ATP1B2: variants seen among roughly 807,000 people sequenced by gnomAD.
The protein encoded by ATP1B2 is ATPase Na+/K+ transporting subunit beta 2, also known as sodium/potassium-transporting ATPase subunit beta-2.
ATP1B2 carries 12 observed loss-of-function variants against 37.3 expected under a neutral mutation model. The observed-to-expected ratio is 0.32, with a 90% CI of 0.21 to 0.52. ATP1B2 has a LOEUF of 0.52. Among genes scored for constraint, ATP1B2 ranks in the 20% least tolerant of loss-of-function variants. The pLI, the probability that ATP1B2 is intolerant of heterozygous loss-of-function variation, is 0.96. For synonymous variants in ATP1B2, 139 were observed against 140.5 expected (o/e 0.99, Z 0.07); for missense variants, 324 against 391.6 (o/e 0.83, Z 1.46).
chr17:7,652,350 G>A lies in ATP1B2; in HGVS notation c.112+720G>A, dbSNP rs191963994. ...GGAGCTGTAGTGGTCGGGGGTTGGG[G>A]GGGTGGAGGGGGTCTGGTGACCGGC... On this transcript the variant is annotated intron_variant, in intron 1 of 6. Transcript: ENST00000250111. 9.5e-3 allele frequency among the ~76,000 whole-genome samples: 1,442 copies of A among 152,170 alleles called. 12 individuals are homozygous for A. The highest frequency in any genetic ancestry group is 0.034 in the Middle Eastern group (10 of 294).
upstream of ATP1B2, among the ~76,000 whole-genome samples, chr17:7,649,117 A>G (rs1297702320): frequency 6.6e-6 from 1 of 152,176 alleles, no homozygotes; most frequent in African/African-American, 2.4e-5. Context: ...CAGTGACACA[A>G]TCTCGGCTCA....
intron 1 of ATP1B2, among the ~76,000 whole-genome samples, chr17:7,652,097 G>A (rs1340154446): frequency 4.6e-5 from 7 of 152,078 alleles, no homozygotes; most frequent in Admixed American, 4.6e-4. Context: ...TCTTCACGGC[G>A]GAAGTTGTCT....
In ATP1B2 at chr17:7,651,343, C is replaced by T; in HGVS notation, c.-176C>T. 3 of 607,766 alleles carry T rather than the reference C, an allele frequency of 4.9e-6. No individual in the cohort carries two copies. The highest frequency in any genetic ancestry group is 3.8e-5 in the South Asian group (2 of 52,288). The allele number at this position is 607,766 out of a possible 1,614,324, so 37.6% of individuals were successfully genotyped here. A position where few individuals can be genotyped will look rare whatever the true frequency, so the allele number is the denominator to read the frequency against. Reference sequence around the variant, plus strand: ...CTTCCGCCGCGCTGCCAGCACCCCGCAGCGCGTGGTCGTGCACCCCGGAAT... The same window carrying T: ...CTTCCGCCGCGCTGCCAGCACCCCGTAGCGCGTGGTCGTGCACCCCGGAAT... On this transcript the variant is annotated 5_prime_UTR_variant, in exon 1 of 7. Transcript: ENST00000250111.
upstream of ATP1B2, among the ~76,000 whole-genome samples, chr17:7,650,745 A>G (rs899834305): frequency 9.9e-5 from 15 of 152,042 alleles, no homozygotes; most frequent in African/African-American, 3.1e-4. Context: ...GGGTGGGGGT[A>G]ATGGAGAGAC....
intron 2 of ATP1B2, 23 bp downstream of exon 2, chr17:7,653,525 C>T: frequency 6.2e-7 from 1 of 1,613,172 alleles, no homozygotes; most frequent in Non-Finnish European, 8.5e-7. Flanking sequence ...GCTCCCCCTG[C>T]CAGCTACTCT....
At chr17:7,647,468 C>CCTCGTCAACA (rs1252190156), upstream of ATP1B2, among the ~76,000 whole-genome samples, 1 of 152,150 alleles carries the variant, frequency 6.6e-6, no homozygotes. Context: ...TTGAGACCAG[C>CCTCGTCAACA]CTCGTCAACA....
At chr17:7,648,597 A>G (rs1376885418), upstream of ATP1B2, among the ~76,000 whole-genome samples, 1 of 123,328 alleles carries the variant, frequency 8.1e-6, no homozygotes, top group East Asian at 2.3e-4. Flanking sequence ...AAAAAAAAAA[A>G]AGTTTATATT....
At chr17:7,653,697 C>T in intron 2 of ATP1B2, 144 bp from the exon 3 acceptor site, 1 of 1,231,540 alleles carries the variant, frequency 8.1e-7, no homozygotes, top group Non-Finnish European at 1.1e-6. Context: ...TGGCAGATAG[C>T]CACAGGAGAT....
At position 7,653,748 on chromosome 17, in the gene ATP1B2, C is replaced by G; in HGVS notation, c.242-93C>G. ...ACGATCTCAGATATTCACCGCTGTC[C>G]CCACTCTGGTGTTCCCTGTGTCCAT... On this transcript the variant is annotated intron_variant, in intron 2 of 6. Coordinates refer to ENST00000250111, the MANE Select transcript of ATP1B2 (RefSeq NM_001678.5). 2.2e-6 allele frequency: 3 copies of G among 1,360,790 alleles called. No homozygotes were observed. In the East Asian group the frequency reaches 6.9e-5, roughly 31 times the overall value. 84.3% of individuals were successfully genotyped at this position (1,360,790 alleles called of 1,614,324 possible).
At chr17:7,652,836 G>C (rs2072622977) in intron 1 of ATP1B2, among the ~76,000 whole-genome samples, 1 of 152,178 alleles carries the variant, frequency 6.6e-6, no homozygotes, top group African/African-American at 2.4e-5. Context: ...AGCCGTCTCT[G>C]AGAGATTTGT....
intron 1 of ATP1B2, 112 bp downstream of exon 1, chr17:7,651,742 C>T (rs952304463): frequency 1.1e-6 from 1 of 935,220 alleles, no homozygotes. Flanking sequence ...CGGCGTCCAG[C>T]CTCCCTGCCG....
Position 7,653,374 on chromosome 17 carries a change from C to G in ATP1B2, c.113C>G (p.Ala38Gly), listed in dbSNP as rs2072625969. Residue 38 changes from alanine (A) to glycine (G), a missense_variant and splice_region_variant, in exon 2 of 7, where the codon GCC becomes GGC. Physicochemically the swap from Ala to Gly is moderately conservative, Grantham distance 60. Transcript: ENST00000250111. Reference sequence around the variant, plus strand: ...GCTGACCCTGTTTCCTCCTCCCTAGCCTTTATCCTCCTCTTCTACCTCGTT... The same window carrying G: ...GCTGACCCTGTTTCCTCCTCCCTAGGCTTTATCCTCCTCTTCTACCTCGTT... ...QFMGRTGTSW[A>G]FILLFYLVFY... 2 of 1,613,874 alleles carry G rather than the reference C, an allele frequency of 1.2e-6. No individual in the cohort carries two copies. The highest frequency in any genetic ancestry group is 1.7e-5 in the Admixed American group (1 of 59,996).
upstream of ATP1B2, among the ~76,000 whole-genome samples, chr17:7,650,759 T>C (rs1597333627): frequency 6.6e-6 from 1 of 151,834 alleles, no homozygotes; most frequent in African/African-American, 2.4e-5. Flanking sequence ...GAGAGACAGC[T>C]AGGTCCCTAA....
chr17:7,650,485 G>A (rs1308823562), upstream of ATP1B2, among the ~76,000 whole-genome samples: 1 of 152,106 alleles, frequency 6.6e-6, no homozygotes, highest in Non-Finnish European at 1.5e-5. Context: ...CAGCCTCCCG[G>A]CTGGTCTCTT....
At chr17:7,651,899 C>CCA (rs1555521981) in intron 1 of ATP1B2, among the ~76,000 whole-genome samples, 8 of 152,028 alleles carry the variant, frequency 5.3e-5, no homozygotes, top group Non-Finnish European at 1.2e-4. Context: ...CGTGTCCGCG[C>CCA]CGGCGCTCAC....
chr17:7,654,239 C>T lies in ATP1B2; in HGVS notation c.534C>T (p.Val178=). ...GTTACAGCACTGGGCAGCCCTGTGT[C>T]TTCATCAAGATGAACCGGGTATCTA... ...HYGYSTGQPC[V]FIKMNRVINF... The change falls in exon 4 of 7, where the codon GTC becomes GTT. Residue 178 remains valine (V), a synonymous_variant. Transcript: ENST00000250111. The surrounding 1 kb of genome is among the most constrained non-coding windows in gnomAD (Gnocchi z 4.9). 6.2e-7 allele frequency: 1 copy of T among 1,613,982 alleles called. No homozygotes were observed.
chr17:7,653,370 C>T lies in ATP1B2; in HGVS notation c.113-4C>T. ...CCCTGCTGACCCTGTTTCCTCCTCC[C>T]TAGCCTTTATCCTCCTCTTCTACCT... On this transcript the variant is annotated splice_region_variant and splice_polypyrimidine_tract_variant and intron_variant, in intron 1 of 6. Transcript: ENST00000250111. 6.2e-7 allele frequency: 1 copy of T among 1,613,982 alleles called. No individual in the cohort carries two copies. The highest frequency in any genetic ancestry group is 8.5e-7 in the Non-Finnish European group (1 of 1,179,936).
chr17:7,647,231 C>T (rs1057464228), upstream of ATP1B2, among the ~76,000 whole-genome samples: 1 of 151,982 alleles, frequency 6.6e-6, no homozygotes, highest in African/African-American at 2.4e-5. Context: ...GGATGATCAC[C>T]ATACCTTACC....
At position 7,654,179 on chromosome 17, in the gene ATP1B2, C is replaced by T. The variant is rs1440286590; in HGVS notation, c.474C>T (p.Gly158=). Residue 158 remains glycine (G), a synonymous_variant, in exon 4 of 7, where the codon GGC becomes GGT. Transcript: ENST00000250111. The surrounding 1 kb of genome is among the most constrained non-coding windows in gnomAD (Gnocchi z 4.9). ...GCCAATTCAACCGGACCCAGCTGGG[C>T]AACTGCTCCGGCATTGGGGACTCCA... ...RACQFNRTQL[G]NCSGIGDSTH... The T allele has an allele frequency of 6.2e-6, 10 of 1,614,214 alleles. No individual in the cohort carries two copies. The highest frequency in any genetic ancestry group is 7.6e-6 in the Non-Finnish European group (9 of 1,180,042).
Sources: gnomAD v4.1 joint callset for allele counts (sites outside exome capture counted in the v4.1 genomes callset) on GRCh38, gnomAD v4.1.1 for gene constraint, Gnocchi (gnomAD v3.1) non-coding constraint, MANE v1.5 for transcripts, NCBI Gene and HGNC (gene_info 2026-07-23, HGNC 2026-07-21) for gene names.